ERMARD: variants seen among roughly 807,000 people sequenced by gnomAD.
ERMARD encodes the protein ER membrane associated RNA degradation.
A neutral mutation model predicts 83.9 loss-of-function variants in ERMARD; 71 were observed. The observed-to-expected ratio is 0.85, with a 90% CI of 0.70 to 1.03. The LOEUF (loss-of-function observed/expected upper bound fraction) is 1.03, where lower values mean the gene tolerates loss of function less well. Among genes scored for constraint, ERMARD ranks in the 50% least tolerant of loss-of-function variants. The pLI, the probability that ERMARD is intolerant of heterozygous loss-of-function variation, is 0.00. For missense variants in ERMARD, 838 were observed against 810.9 expected (o/e 1.03, Z -0.41); for synonymous variants, 284 against 298.6 (o/e 0.95, Z 0.50).
At chr6:169,751,821 T>C in intron 1 of ERMARD, 158 bp downstream of exon 1, 2 of 1,107,670 alleles carry the variant, frequency 1.8e-6, no homozygotes, top group Non-Finnish European at 2.4e-6. Flanking sequence ...GGCCCTGGCC[T>C]CTGTGGCGGT....
At chr6:169,756,610 C>G in intron 4 of ERMARD, 109 bp from the exon 5 acceptor site, 1 of 1,026,956 alleles carries the variant, frequency 9.7e-7, no homozygotes, top group Admixed American at 2.1e-5. Flanking sequence ...GGATTGGTGT[C>G]TAAGTACTTT....
intron 5 of ERMARD, among the ~76,000 whole-genome samples, chr6:169,758,708 A>AT (rs1186297285): frequency 2.0e-5 from 3 of 151,954 alleles, no homozygotes; most frequent in East Asian, 3.9e-4. Flanking sequence ...CCATGCTTGT[A>AT]TTTTTTTCAC....
intron 12 of ERMARD, chr6:169,772,183 C>A (rs1430582021): frequency 6.6e-6 from 1 of 152,354 alleles, no homozygotes; most frequent in African/African-American, 2.4e-5. Flanking sequence ...ACACAGCAGC[C>A]AGACTGATCC....
chr6:169,755,947 A>T (rs1031772633), intron 3 of ERMARD, among the ~76,000 whole-genome samples: 3 of 152,184 alleles, frequency 2.0e-5, no homozygotes, highest in African/African-American at 7.2e-5. Context: ...TTCTGCTTTG[A>T]ATTTGGAGTG....
rs1792448577 is a variant in ERMARD at position 169,768,145 on chromosome 6, C to T, written c.1033C>T (p.Pro345Ser). 6.2e-7 allele frequency: 1 copy of T among 1,614,044 alleles called. No homozygotes were observed. Among genetic ancestry groups the T allele is most frequent in the Non-Finnish European group, 8.5e-7 (1 of 1,179,976 alleles). Residue 345 changes from proline to serine, a missense_variant, in exon 11 of 18, where the codon CCT becomes TCT. By Grantham distance (74) the Pro-to-Ser change is moderately conservative. Transcript: ENST00000366773. The stretch of plus-strand genomic sequence containing the variant: ...GAATGATGGTAAAATCAATCAGCTT[C>T]CTCTTTTCCTTGGAGAGCCTGCTAT... ...HLNDGKINQL[P>S]LFLGEPAMEF...
rs1037854500 is a variant in ERMARD, at chr6:169,764,711, C to G, written c.961-1927C>G. On this transcript the variant is annotated intron_variant, in intron 9 of 17. Coordinates refer to ENST00000366773, the MANE Select transcript of ERMARD (RefSeq NM_018341.3). ...GGCAGCAAGGCCTCGGGTTCTAACCCTGCCCTCCTCTTTGGTGTGTTCCCT... is the reference window on the plus strand; with the variant it reads ...GGCAGCAAGGCCTCGGGTTCTAACCGTGCCCTCCTCTTTGGTGTGTTCCCT... Among the ~76,000 whole-genome samples the G allele has an allele frequency of 3.9e-5, 6 of 152,214 alleles. No homozygotes were observed. The East Asian group carries it at 7.7e-4, about 20-fold the overall frequency.
intron 7 of ERMARD, 72 bp from the exon 8 acceptor site, chr6:169,760,570 T>TC: frequency 9.0e-7 from 1 of 1,109,688 alleles, no homozygotes; most frequent in Non-Finnish European, 1.3e-6. Flanking sequence ...TTGGCATCAC[T>TC]CCCCCAGCAT....
chr6:169,763,583 G>C (rs547985170), intron 9 of ERMARD, among the ~76,000 whole-genome samples: 1 of 152,244 alleles, frequency 6.6e-6, no homozygotes, highest in Non-Finnish European at 1.5e-5. Context: ...GGGAGGGCAG[G>C]TGCAGCCGCT....
At chr6:169,773,218 A>C in intron 12 of ERMARD, 101 bp from the exon 13 acceptor site, 1 of 914,732 alleles carries the variant, frequency 1.1e-6, no homozygotes, top group South Asian at 1.7e-5. Context: ...TATTTGAAGA[A>C]AGATAATGAG....
At chr6:169,761,179 T>C (rs1175175708) in intron 8 of ERMARD, among the ~76,000 whole-genome samples, 3 of 152,216 alleles carry the variant, frequency 2.0e-5, no homozygotes, top group Non-Finnish European at 4.4e-5. Context: ...CATTCATTTT[T>C]ATGCCTTGAG....
At position 169,781,465 on chromosome 6, in the gene ERMARD, A is replaced by C. The variant is rs1472702916; in HGVS notation, c.1989A>C (p.Gln663His). 1.2e-6 allele frequency: 2 copies of C among 1,610,146 alleles called. No individual in the cohort carries two copies. Among genetic ancestry groups the C allele is most frequent in the Admixed American group, 3.4e-5 (2 of 59,414 alleles). The change falls in exon 18 of 18, where the codon CAA (glutamine) becomes CAC (histidine). Residue 663 changes from glutamine (Q) to histidine (H), a missense_variant. Physicochemically the swap from Gln to His is conservative, Grantham distance 24. Coordinates refer to ENST00000366773, the MANE Select transcript of ERMARD (RefSeq NM_018341.3). ...TGTGGACTTTTAGTGAGAAGAAACA[A>C]ATGTTAATACATTTAGCCAAGAAAT... ...LKMWTFSEKK[Q>H]MLIHLAKKST... is the part of the protein sequence containing the mutation.
rs17860640 is a variant in ERMARD, at chr6:169,769,723, A to G, written c.1233+10A>G. ...GCTATCAGTTTTTAAGGTAATTTAT[A>G]GGGAAGAAAATCATTAATTAGATTA... On this transcript the variant is annotated intron_variant, in intron 12 of 17. Coordinates refer to ENST00000366773, the MANE Select transcript of ERMARD (RefSeq NM_018341.3). 73,425 of 1,579,224 alleles carry G rather than the reference A, an allele frequency of 0.046. 3,391 individuals carry two copies. Among genetic ancestry groups the G allele is most frequent in the Admixed American group, 0.16 (8,994 of 54,624 alleles).
At chr6:169,764,163 C>T (rs997303939) in intron 9 of ERMARD, among the ~76,000 whole-genome samples, 16 of 152,144 alleles carry the variant, frequency 1.1e-4, no homozygotes, top group South Asian at 2.1e-4. Context: ...AGAAGCCCCC[C>T]GCCTGGCTCC....
chr6:169,759,527 C>T (rs1332254582), intron 6 of ERMARD, among the ~76,000 whole-genome samples: 1 of 152,120 alleles, frequency 6.6e-6, no homozygotes, highest in Admixed American at 6.5e-5. Flanking sequence ...TTAAGTGATC[C>T]TCCCGACTCA....
At chr6:169,776,094 T>C in intron 15 of ERMARD, 29 bp downstream of exon 15, 1 of 1,608,402 alleles carries the variant, frequency 6.2e-7, no homozygotes, top group Non-Finnish European at 8.5e-7. Context: ...TGACAACTGT[T>C]GAAACATTGA....
At chr6:169,751,572 T>C (rs1450973778), upstream of ERMARD, 16 of 1,607,582 alleles carry the variant, frequency 1.0e-5, no homozygotes, top group South Asian at 6.6e-5. Flanking sequence ...CGGTAGGAAG[T>C]GCCCGCCAGG....
chr6:169,760,658 G>GTTATTTTACAGATGTTA lies in ERMARD; in HGVS notation c.759_760insTTATTTTACAGATGTTA (p.Ser255PhefsTer9). On this transcript the variant is annotated frameshift_variant, in exon 8 of 18. Transcript: ENST00000366773. LOFTEE classifies it high-confidence loss of function. ...ATTTTACAGATGTTACTTATGAGGT[G>GTTATTTTACAGATGTTA]CTTTCAGTATTAGAAGAAGTGATGA... is the stretch of plus-strand genomic sequence containing the variant. 6.2e-7 allele frequency: 1 copy of GTTATTTTACAGATGTTA among 1,606,120 alleles called. No homozygotes were observed. Among genetic ancestry groups the GTTATTTTACAGATGTTA allele is most frequent in the Non-Finnish European group, 8.5e-7 (1 of 1,173,206 alleles).
At chr6:169,776,733 C>T in intron 16 of ERMARD, 60 bp downstream of exon 16, 4 of 1,576,244 alleles carry the variant, frequency 2.5e-6, no homozygotes, top group African/African-American at 2.7e-5. Context: ...GTCACAGATG[C>T]AGTTCTAGTC....
intron 9 of ERMARD, 101 bp from the exon 10 acceptor site, chr6:169,766,537 G>T (rs1792232472): frequency 4.7e-6 from 4 of 844,484 alleles, no homozygotes; most frequent in Non-Finnish European, 7.2e-6. Context: ...AAAACTTTGG[G>T]ATGTGTGGCC....
Sources: gnomAD v4.1 joint callset for allele counts (sites outside exome capture counted in the v4.1 genomes callset) on GRCh38, gnomAD v4.1.1 for gene constraint, MANE v1.5 for transcripts, NCBI Gene and HGNC (gene_info 2026-07-23, HGNC 2026-07-21) for gene names.